The following SRL variants were observed in gnomAD, a reference collection of about 807,000 sequenced individuals.
SRL encodes sarcalumenin.
SRL carries 23 observed loss-of-function variants against 39.5 expected under a neutral mutation model. The observed-to-expected ratio is 0.58, with a 90% confidence interval of 0.42 to 0.82. SRL has a LOEUF of 0.82. Among genes scored for constraint, SRL ranks in the 40% least tolerant of loss-of-function variants. SRL has a pLI of 0.00. For synonymous variants in SRL, 272 were observed against 237.4 expected (o/e 1.15, Z -1.34); for missense variants, 592 against 607.8 (o/e 0.97, Z 0.27).
intron 3 of SRL, among the ~76,000 whole-genome samples, chr16:4,201,829 T>G (rs1299639374): frequency 1.1e-5 from 1 of 94,400 alleles, no homozygotes; most frequent in African/African-American, 5.9e-5. Flanking sequence ...CTAATTTTTG[T>G]ATTTTTAATA....
intron 5 of SRL, among the ~76,000 whole-genome samples, chr16:4,193,497 T>A (rs879296147): frequency 3.3e-5 from 5 of 152,220 alleles, no homozygotes; most frequent in African/African-American, 1.2e-4. Context: ...ATGCATTATT[T>A]ACGGGGAAGG....
chr16:4,215,800 C>G (rs548015376), intron 1 of SRL, among the ~76,000 whole-genome samples: 1 of 152,128 alleles, frequency 6.6e-6, no homozygotes, highest in Non-Finnish European at 1.5e-5. Context: ...GAGTTTGAAA[C>G]CAGCCTGGGT....
intron 4 of SRL, among the ~76,000 whole-genome samples, chr16:4,197,315 C>T (rs567425539): frequency 6.6e-6 from 1 of 151,782 alleles, no homozygotes; most frequent in East Asian, 1.9e-4. Context: ...GGTCATCCTC[C>T]TGCCTCAGCC....
Position 4,191,974 on chromosome 16 carries a change from T to C in SRL, c.*179A>G. 1 of 610,296 alleles carries C rather than the reference T, an allele frequency of 1.6e-6. No homozygotes were observed. The highest frequency in any genetic ancestry group is 2.7e-6 in the Non-Finnish European group (1 of 365,774). 37.8% of individuals were successfully genotyped at this position (610,296 alleles called of 1,614,324 possible). ...AGACAAGCACACAGGAATTCACAGT[T>C]TCCACTCTCCTCCCTAGACCCACAC... On this transcript the variant is annotated 3_prime_UTR_variant, in exon 6 of 6. Transcript: ENST00000399609.
chr16:4,214,354 C>A (rs149019011), intron 1 of SRL, among the ~76,000 whole-genome samples: 1 of 152,210 alleles, frequency 6.6e-6, no homozygotes, highest in Non-Finnish European at 1.5e-5. Flanking sequence ...CAAAGTCATG[C>A]GTAAGTAAAA....
intron 1 of SRL, among the ~76,000 whole-genome samples, chr16:4,239,106 A>G (rs558415175): frequency 4.9e-4 from 74 of 152,134 alleles, no homozygotes; most frequent in African/African-American, 1.8e-3. Context: ...AGCTTGCTAC[A>G]TTTTCTCAGC....
At chr16:4,222,095 C>A (rs879583333) in intron 1 of SRL, among the ~76,000 whole-genome samples, 1 of 152,188 alleles carries the variant, frequency 6.6e-6, no homozygotes, top group African/African-American at 2.4e-5. Context: ...ACAGGTCCCC[C>A]AATAGCCCAC....
chr16:4,193,312 C>G (rs1029113338), intron 5 of SRL, among the ~76,000 whole-genome samples: 3 of 152,128 alleles, frequency 2.0e-5, no homozygotes, highest in African/African-American at 7.2e-5. Context: ...GGGTAATAGG[C>G]GTGAGCCACC....
intron 4 of SRL, among the ~76,000 whole-genome samples, chr16:4,196,722 ACCCACCTCGGCCT>A (rs1337874300): frequency 1.3e-5 from 2 of 151,114 alleles, no homozygotes; most frequent in Non-Finnish European, 3.0e-5. Context: ...CTTGTGATCA[ACCCACCTCGGCCT>A]CCCAAAGTGC....
At chr16:4,207,274 C>G (rs759580640) in intron 1 of SRL, 2 of 456,962 alleles carry the variant, frequency 4.4e-6, no homozygotes, top group Non-Finnish European at 8.8e-6. Flanking sequence ...TCAGTCATCT[C>G]TGGGGACTGG....
At position 4,195,715 on chromosome 16, in the gene SRL, C is replaced by T. The variant is rs201697547; in HGVS notation, c.448G>A (p.Val150Ile). ...GPKLKTIEGI[V>I]MAADSARSFS... is the part of the protein sequence containing the mutation. Reference sequence around the variant, plus strand: ...GAACGGGCGCTGTCAGCAGCCATGACGATGCCCTCGATGGTTTTCAGCTTA... The same window carrying T: ...GAACGGGCGCTGTCAGCAGCCATGATGATGCCCTCGATGGTTTTCAGCTTA... Residue 150 changes from valine to isoleucine, a missense_variant, in exon 5 of 6, where the codon GTC (valine) becomes ATC (isoleucine). Val to Ile is a conservative substitution (Grantham distance 29, BLOSUM62 3). Coordinates refer to ENST00000399609, the MANE Select transcript of SRL (RefSeq NM_001098814.2). 1.1e-5 allele frequency: 17 copies of T among 1,614,074 alleles called. No individual in the cohort carries two copies. The highest frequency in any genetic ancestry group is 2.7e-5 in the African/African-American group (2 of 75,018).
intron 1 of SRL, among the ~76,000 whole-genome samples, chr16:4,224,963 C>G (rs932124674): frequency 2.0e-5 from 3 of 152,178 alleles, no homozygotes; most frequent in African/African-American, 7.2e-5. Context: ...ACCTGGAAGA[C>G]ACGGTGGTAA....
intron 3 of SRL, among the ~76,000 whole-genome samples, chr16:4,200,447 G>A (rs1032203242): frequency 6.6e-6 from 1 of 152,178 alleles, no homozygotes. Context: ...TGGGAGGTGA[G>A]CCTGGGAGAG....
chr16:4,229,268 C>G (rs2052632647), intron 1 of SRL, among the ~76,000 whole-genome samples: 1 of 151,900 alleles, frequency 6.6e-6, no homozygotes, highest in South Asian at 2.1e-4. Context: ...ACAGTGAAAC[C>G]CCATCTCTAC....
At chr16:4,213,386 T>TTTTTTCTTTTTC (rs372374910) in intron 1 of SRL, among the ~76,000 whole-genome samples, 5,810 of 123,690 alleles carry the variant, frequency 0.047, 481 homozygotes, top group Middle Eastern at 0.081. Context: ...CAGCATCTTT[T>TTTTTTCTTTTTC]TTTTTCTTTT....
rs140475522 is a variant in SRL, at chr16:4,195,698, G to A, written c.465C>T (p.Ser155=). ...TIEGIVMAAD[S]ARSFSPLEKF... ...TCTCAAGGGGTGAGAAGGAACGGGC[G>A]CTGTCAGCAGCCATGACGATGCCCT... The change falls in exon 5 of 6, where the codon AGC becomes AGT. Residue 155 remains serine (S), a synonymous_variant. Coordinates refer to ENST00000399609, the MANE Select transcript of SRL (RefSeq NM_001098814.2). 1.2e-5 allele frequency: 19 copies of A among 1,613,946 alleles called. No homozygotes were observed. The highest frequency in any genetic ancestry group is 1.6e-4 in the Middle Eastern group (1 of 6,082).
At chr16:4,213,404 CTTTTTT>C (rs1176583909) in intron 1 of SRL, among the ~76,000 whole-genome samples, 3 of 69,580 alleles carry the variant, frequency 4.3e-5, no homozygotes, top group East Asian at 6.1e-4. Context: ...TTTTCTTTTT[CTTTTTT>C]TTTTTTTTTT....
rs754370289 is a variant in SRL, at chr16:4,197,897, T to G, written c.278A>C (p.Lys93Thr). 3.1e-6 allele frequency: 5 copies of G among 1,613,226 alleles called. No individual in the cohort carries two copies. The highest frequency in any genetic ancestry group is 1.7e-4 in the Middle Eastern group (1 of 6,060). The change falls in exon 4 of 6, where the codon AAG becomes ACG. Residue 93 changes from lysine to threonine, a missense_variant. Physicochemically the swap from Lys to Thr is moderately conservative, Grantham distance 78. Coordinates refer to ENST00000399609, the MANE Select transcript of SRL (RefSeq NM_001098814.2). ...HEITDGEITS[K>T]PMVLFLGPWS... ...CGGTCCCAGGAACAGTACCATGGGC[T>G]TGGAGGTAATCTCTCCATCTGTGGG...
rs570532930 is a variant in SRL, at chr16:4,213,414, T to C, written c.62-8780A>G. Among the ~76,000 whole-genome samples the C allele has an allele frequency of 1.3e-4, 16 of 127,828 alleles. No individual in the cohort carries two copies. The East Asian group carries it at 2.9e-3, about 23-fold the overall frequency. 83.9% of individuals were successfully genotyped at this position (127,828 alleles called of 152,430 possible). A position where few individuals can be genotyped will look rare whatever the true frequency, so the allele number is the denominator to read the frequency against. Reference sequence around the variant, plus strand: ...TTTCTTTTTCTTTTTCTTTTTTTTTTTTTTTTTTTTTTTTTTGAGACAGGT... The same window carrying C: ...TTTCTTTTTCTTTTTCTTTTTTTTTCTTTTTTTTTTTTTTTTGAGACAGGT... On this transcript the variant is annotated intron_variant, in intron 1 of 5. Coordinates refer to ENST00000399609, the MANE Select transcript of SRL (RefSeq NM_001098814.2).
Sources: allele counts gnomAD v4.1 joint callset (sites outside exome capture counted in the v4.1 genomes callset), GRCh38; gene constraint gnomAD v4.1.1; transcripts MANE v1.5; gene names NCBI Gene and HGNC (gene_info 2026-07-23, HGNC 2026-07-21).